Variants in SLC35B1 observed in about 807,000 individuals in gnomAD.
The protein encoded by SLC35B1 is solute carrier family 35 member B1.
In SLC35B1, 27 loss-of-function variants were observed where a neutral mutation model predicts 36.6. That is an observed-to-expected ratio of 0.74 (90% CI 0.54 to 1.02). The LOEUF (loss-of-function observed/expected upper bound fraction) is 1.02. Ranked by LOEUF, SLC35B1 falls within the 50% of genes least tolerant of loss-of-function variation. The pLI, the probability that SLC35B1 is intolerant of heterozygous loss-of-function variation, is 0.00. For missense variants in SLC35B1, 321 were observed against 383.2 expected, an observed-to-expected ratio of 0.84 and a Z score of 1.35; for synonymous variants, 162 against 152.5, an observed-to-expected ratio of 1.06 and a Z score of -0.46.
At chr17:49,708,095 G>T, upstream of SLC35B1, 1 of 743,314 alleles carries the variant, frequency 1.3e-6, no homozygotes, top group Admixed American at 2.1e-5. Context: ...ATCCCTGAGG[G>T]CCAGGGGAAC....
At chr17:49,703,377 GAC>G in intron 6 of SLC35B1, 83 bp from the exon 7 acceptor site, 3 of 597,014 alleles carry the variant, frequency 5.0e-6, no homozygotes, top group East Asian at 3.2e-5. Flanking sequence ...CACACACACA[GAC>G]ACTCCTGCAC....
chr17:49,705,152 T>C lies in SLC35B1; in HGVS notation c.500A>G (p.His167Arg). Reference protein sequence around the residue: ...KPKKVVGIEEHTVGYGELLLL... With the variant: ...KPKKVVGIEERTVGYGELLLL... ...GAGTAGCTCTCCATAGCCGACTGTG[T>C]GTTCTTCTATCCCAACAACTTTCTT... The change falls in exon 5 of 9, where the codon CAC (histidine) becomes CGC (arginine). Residue 167 changes from histidine (H) to arginine (R), a missense_variant. Transcript: ENST00000240333. 6.2e-7 allele frequency: 1 copy of C among 1,614,200 alleles called. No individual in the cohort carries two copies. Among genetic ancestry groups the C allele is most frequent in the Non-Finnish European group, 8.5e-7 (1 of 1,180,048 alleles).
At chr17:49,703,982 G>A (rs1211379481) in intron 6 of SLC35B1, 118 bp downstream of exon 6, 12 of 1,353,024 alleles carry the variant, frequency 8.9e-6, no homozygotes, top group East Asian at 4.7e-5. Context: ...GAACAAAAGG[G>A]CATCTTGGAA....
chr17:49,703,129 T>G (rs2073372070), intron 7 of SLC35B1, 59 bp downstream of exon 7: 1 of 1,589,778 alleles, frequency 6.3e-7, no homozygotes, highest in Non-Finnish European at 8.6e-7. Flanking sequence ...AGGCCAGTCT[T>G]TCTTAGGGAA....
Position 49,705,123 on chromosome 17 carries a change from C to T in SLC35B1, c.528+1G>A, listed in dbSNP as rs374495334. ...GTGCCTTCCCCAACAGGATCTCATA[C>T]CAAGAGTAGCTCTCCATAGCCGACT... On this transcript the variant is annotated splice_donor_variant, in intron 5 of 8. Coordinates refer to ENST00000240333, the MANE Select transcript of SLC35B1 (RefSeq NM_005827.4). LOFTEE classifies it high-confidence loss of function. 1.2e-6 allele frequency: 2 copies of T among 1,613,920 alleles called. No homozygotes were observed. Among genetic ancestry groups the T allele is most frequent in the Non-Finnish European group, 1.7e-6 (2 of 1,179,968 alleles).
Position 49,707,082 on chromosome 17 carries a change from G to A in SLC35B1, c.105-14C>T. On this transcript the variant is annotated splice_polypyrimidine_tract_variant and intron_variant, in intron 1 of 8. Coordinates refer to ENST00000240333, the MANE Select transcript of SLC35B1 (RefSeq NM_005827.4). ...TTTCCTCTTGTTCTAGAAATGAAAT[G>A]CATGAGAAAAGAGGGAGAAATTAGT... is the stretch of plus-strand genomic sequence containing the variant. 1 of 1,590,352 alleles carries A rather than the reference G, an allele frequency of 6.3e-7. No individual in the cohort carries two copies.
At chr17:49,707,437 C>A in intron 1 of SLC35B1, 1 of 1,458,996 alleles carries the variant, frequency 6.9e-7, no homozygotes. Context: ...AGGGGGCCGA[C>A]TCGGGTCCTG....
At chr17:49,708,094 G>A (rs1555592826), upstream of SLC35B1, 2 of 745,102 alleles carry the variant, frequency 2.7e-6, no homozygotes, top group Non-Finnish European at 4.7e-6. Flanking sequence ...CATCCCTGAG[G>A]GCCAGGGGAA....
In SLC35B1 at chr17:49,705,212, A is replaced by G; in HGVS notation, c.440T>C (p.Ile147Thr). 3.1e-6 allele frequency: 5 copies of G among 1,614,246 alleles called. No homozygotes were observed. Among genetic ancestry groups the G allele is most frequent in the Non-Finnish European group, 4.2e-6 (5 of 1,180,038 alleles). The change falls in exon 5 of 9, where the codon ATT (isoleucine) becomes ACT (threonine). Residue 147 changes from isoleucine to threonine, a missense_variant. Coordinates refer to ENST00000240333, the MANE Select transcript of SLC35B1 (RefSeq NM_005827.4). The part of the protein sequence containing the change: ...PLAKYLCVLL[I>T]VAGVALFMYK... Reference sequence around the variant, plus strand: ...CATGAAAAGGGCCACTCCAGCCACAATTAACAGCACACACAGGTACTTGGC... The same window carrying G: ...CATGAAAAGGGCCACTCCAGCCACAGTTAACAGCACACACAGGTACTTGGC...
intron 2 of SLC35B1, 54 bp downstream of exon 2, chr17:49,706,911 C>T (rs2073425847): frequency 7.9e-7 from 1 of 1,271,656 alleles, no homozygotes; most frequent in South Asian, 1.2e-5. Flanking sequence ...GCCCAGCATA[C>T]TGAGGGAACT....
rs61136804 is a variant in SLC35B1 at position 49,706,346 on chromosome 17, C to CAAAAAAAAAAAAAAAAAA, written c.209-30_209-13dup. ...AAAAAACTGGATCACTGGGAGAAGA[C>CAAAAAAAAAAAAAAAAAA]AAAAAAAAAAAAAAAAAAAGAAAAG... On this transcript the variant is annotated splice_polypyrimidine_tract_variant and intron_variant, in intron 2 of 8. Coordinates refer to ENST00000240333, the MANE Select transcript of SLC35B1 (RefSeq NM_005827.4). 1.8e-5 allele frequency: 13 copies of CAAAAAAAAAAAAAAAAAA among 733,608 alleles called. No individual in the cohort carries two copies. The highest frequency in any genetic ancestry group is 4.6e-5 in the South Asian group (1 of 21,790). 45.4% of individuals were successfully genotyped at this position (733,608 alleles called of 1,614,324 possible). A position where few individuals can be genotyped will look rare whatever the true frequency, so the allele number is the denominator to read the frequency against.
intron 2 of SLC35B1, 76 bp from the exon 3 acceptor site, chr17:49,706,410 G>T: frequency 7.3e-7 from 1 of 1,362,410 alleles, no homozygotes; most frequent in Non-Finnish European, 9.6e-7. Context: ...ACCTGGTGGG[G>T]CTAGGATGGA....
intron 2 of SLC35B1, 28 bp from the exon 3 acceptor site, chr17:49,706,362 A>AG: frequency 1.8e-6 from 2 of 1,096,522 alleles, no homozygotes; most frequent in East Asian, 3.2e-5. Flanking sequence ...AAAAAAAAAA[A>AG]AAAGAAAAGA....
chr17:49,702,632 T>C (rs1249812585), intron 8 of SLC35B1: 8 of 467,962 alleles, frequency 1.7e-5, no homozygotes, highest in Non-Finnish European at 3.1e-5. Flanking sequence ...CTCCGGATGC[T>C]GAGGCAGGAG....
At chr17:49,703,346 GCGCACACACACACA>G in intron 6 of SLC35B1, 52 bp from the exon 7 acceptor site, 1 of 667,724 alleles carries the variant, frequency 1.5e-6, no homozygotes, top group Non-Finnish European at 2.4e-6. Flanking sequence ...CACAAAATGT[GCGCACACACACACA>G]CACACACACA....
At chr17:49,707,304 G>A in intron 1 of SLC35B1, 1 of 1,450,350 alleles carries the variant, frequency 6.9e-7, no homozygotes, top group African/African-American at 1.4e-5. Context: ...GAAAAAGACG[G>A]AGAGGAAACA....
rs1277101025 is a variant in SLC35B1, at chr17:49,704,129, T to C, written c.626A>G (p.Asn209Ser). The change falls in exon 6 of 9, where the codon AAC (asparagine) becomes AGC (serine). Residue 209 changes from asparagine to serine, a missense_variant. By Grantham distance (46) the Asn-to-Ser change is conservative (BLOSUM62 1). Coordinates refer to ENST00000240333, the MANE Select transcript of SLC35B1 (RefSeq NM_005827.4). Reference protein sequence around the residue: ...TGSNHMMLNINLWSTLLLGMG... With the variant: ...TGSNHMMLNISLWSTLLLGMG... ...TCCCAGCAGCAATGTCGACCAAAGG[T>C]TGATGTTCAGCATCATGTGGTTGGA... 1 of 1,614,192 alleles carries C rather than the reference T, an allele frequency of 6.2e-7. No individual in the cohort carries two copies. The highest frequency in any genetic ancestry group is 8.5e-7 in the Non-Finnish European group (1 of 1,180,030).
chr17:49,707,644 G>A (rs2073436428), intron 1 of SLC35B1, 86 bp downstream of exon 1: 1 of 1,502,262 alleles, frequency 6.7e-7, no homozygotes, highest in Admixed American at 2.1e-5. Context: ...GAGGACAAGA[G>A]GAAAGCCCGG....
chr17:49,705,518 G>A, intron 4 of SLC35B1: 1 of 591,552 alleles, frequency 1.7e-6, no homozygotes, highest in Non-Finnish European at 3.0e-6. Flanking sequence ...GGAAGGGACA[G>A]GACAAGGGTA....
Sources: gnomAD v4.1 joint callset for allele counts on GRCh38, gnomAD v4.1.1 for gene constraint, MANE v1.5 for transcripts, NCBI Gene and HGNC (gene_info 2026-07-23, HGNC 2026-07-21) for gene names.